Variants in RBFOX1 observed in about 807,000 individuals in gnomAD.
The protein encoded by RBFOX1 is RNA binding protein fox-1 homolog 1.
In RBFOX1, 8 loss-of-function variants were observed where a neutral mutation model predicts 57.7. The observed-to-expected ratio is 0.14, with a 90% confidence interval of 0.08 to 0.25. RBFOX1 has a LOEUF of 0.25. RBFOX1 is among the 10% of genes least tolerant of loss of function. The pLI is 1.00. For synonymous variants in RBFOX1, 326 were observed against 222.4 expected (o/e 1.47, Z -4.15); for missense variants, 611 against 548.5 (o/e 1.11, Z -1.14).
chr16:6,879,950 C>G (rs149463296), intron 3 of RBFOX1, among the ~76,000 whole-genome samples: 407 of 152,230 alleles, frequency 2.7e-3, no homozygotes, highest in African/African-American at 9.1e-3. Context: ...TTTCTTCTAT[C>G]TGTTCAGTGG....
At position 7,567,572 on chromosome 16, in the gene RBFOX1, T is replaced by G. The variant is rs1333342246; in HGVS notation, c.271-12205T>G. 4.0e-5 allele frequency among the ~76,000 whole-genome samples: 4 copies of G among 100,160 alleles called. 1 individual carries two copies. The highest frequency in any genetic ancestry group is 1.1e-4 in the Admixed American group (1 of 8,892). The allele number at this position is 100,160 out of a possible 152,430, so 65.7% of individuals were successfully genotyped here. On this transcript the variant is annotated intron_variant, in intron 5 of 15. Transcript: ENST00000550418. Reference sequence around the variant, plus strand: ...ATATCCCTATATATGGCCCTATATATATATATCCCTATATATGGCCCTATA... The same window carrying G: ...ATATCCCTATATATGGCCCTATATAGATATATCCCTATATATGGCCCTATA...
intron 3 of RBFOX1, among the ~76,000 whole-genome samples, chr16:6,849,227 G>A (rs2141887108): frequency 6.6e-6 from 1 of 152,320 alleles, no homozygotes; most frequent in East Asian, 1.9e-4. Context: ...GTTGACAGTA[G>A]TGAGCTTTTA....
At chr16:7,525,911 C>T (rs924971659) in intron 5 of RBFOX1, among the ~76,000 whole-genome samples, 5 of 152,168 alleles carry the variant, frequency 3.3e-5, no homozygotes, top group South Asian at 2.1e-4. Flanking sequence ...AAAGTCCAGG[C>T]TGTTTCCCCA....
At chr16:7,455,710 T>C (rs1386614116) in intron 4 of RBFOX1, among the ~76,000 whole-genome samples, 2 of 142,284 alleles carry the variant, frequency 1.4e-5, no homozygotes, top group Non-Finnish European at 3.0e-5. Flanking sequence ...TTGCTTGACC[T>C]CAGGAGGTAG....
intron 2 of RBFOX1, among the ~76,000 whole-genome samples, chr16:5,585,796 G>T (rs116780654): frequency 0.011 from 1,722 of 152,320 alleles, 37 homozygotes; most frequent in African/African-American, 0.039. Context: ...CAGATCCTTG[G>T]TCTTCACTGC....
At chr16:6,583,270 CAT>C (rs774652676) in intron 2 of RBFOX1, among the ~76,000 whole-genome samples, 73 of 152,296 alleles carry the variant, frequency 4.8e-4, no homozygotes, top group Non-Finnish European at 7.8e-4. Flanking sequence ...GCTTGGAACA[CAT>C]GTGCAACTTC....
intron 3 of RBFOX1, among the ~76,000 whole-genome samples, chr16:5,684,993 C>T (rs1022303187): frequency 2.0e-5 from 3 of 152,118 alleles, no homozygotes; most frequent in African/African-American, 7.2e-5. Flanking sequence ...GGCATCCAGC[C>T]TGATGGTTGG....
chr16:6,507,750 T>C (rs55661649), intron 2 of RBFOX1, among the ~76,000 whole-genome samples: 46,868 of 151,834 alleles, frequency 0.31, 8,004 homozygotes, highest in Non-Finnish European at 0.39. Context: ...ATTCCACTTA[T>C]ATAAAGTATC....
chr16:7,131,999 T>G (rs1456716726), intron 4 of RBFOX1, among the ~76,000 whole-genome samples: 1 of 5,594 alleles, frequency 1.8e-4, no homozygotes, highest in Non-Finnish European at 5.1e-4. Context: ...TTTTTCTTTC[T>G]TTTTTTTTTT....
intron 1 of RBFOX1, among the ~76,000 whole-genome samples, chr16:6,069,386 G>A (rs1167274162): frequency 8.6e-6 from 1 of 115,830 alleles, no homozygotes; most frequent in Non-Finnish European, 1.7e-5. Flanking sequence ...CAACAAGAGC[G>A]AAACTCTGCC....
chr16:6,673,226 C>T (rs569347337), intron 3 of RBFOX1, among the ~76,000 whole-genome samples: 1 of 152,232 alleles, frequency 6.6e-6, no homozygotes, highest in South Asian at 2.1e-4. Context: ...TCTGTGTCTT[C>T]TCTATCCACT....
At chr16:7,317,390 C>G (rs934581888) in intron 4 of RBFOX1, among the ~76,000 whole-genome samples, 2 of 152,068 alleles carry the variant, frequency 1.3e-5, no homozygotes, top group African/African-American at 4.8e-5. Flanking sequence ...GGCCAAAGCT[C>G]CCAGAGCTCA....
chr16:6,654,169 G>A (rs1022174650), intron 2 of RBFOX1, among the ~76,000 whole-genome samples: 2 of 152,142 alleles, frequency 1.3e-5, no homozygotes, highest in Non-Finnish European at 2.9e-5. Context: ...TGGATGGATG[G>A]TTGGATGGTT....
chr16:5,674,155 C>G (rs948735773), intron 3 of RBFOX1, among the ~76,000 whole-genome samples: 2 of 152,114 alleles, frequency 1.3e-5, no homozygotes, highest in Admixed American at 6.5e-5. Flanking sequence ...TTCTTAGGGT[C>G]TAGAAGTGGG....
chr16:6,635,191 C>T (rs999054947), intron 2 of RBFOX1, among the ~76,000 whole-genome samples: 4 of 147,588 alleles, frequency 2.7e-5, no homozygotes, highest in African/African-American at 9.9e-5. Flanking sequence ...ATATATATTA[C>T]ATAATATGTA....
intron 3 of RBFOX1, chr16:6,705,304 G>A (rs917923159): frequency 1.3e-5 from 2 of 150,250 alleles, no homozygotes; most frequent in African/African-American, 5.0e-5. Flanking sequence ...TGAGTGGGAG[G>A]TTACAAGGGA....
intron 3 of RBFOX1, among the ~76,000 whole-genome samples, chr16:6,988,991 G>T (rs1368222254): frequency 1.3e-5 from 2 of 151,944 alleles, no homozygotes; most frequent in African/African-American, 4.8e-5. Flanking sequence ...TTGAACTCCT[G>T]GCCTGAGGTG....
intron 1 of RBFOX1, among the ~76,000 whole-genome samples, chr16:5,365,042 G>A (rs59173588): frequency 0.054 from 8,141 of 152,148 alleles, 609 homozygotes; most frequent in African/African-American, 0.18. Flanking sequence ...AGACTTATTT[G>A]AGGTGATTCC....
At chr16:6,220,101 T>G (rs1437859272) in intron 1 of RBFOX1, among the ~76,000 whole-genome samples, 2 of 152,126 alleles carry the variant, frequency 1.3e-5, no homozygotes, top group Admixed American at 6.6e-5. Context: ...TATGTACATA[T>G]ATAAGGGTAT....
Sources: gnomAD v4.1 joint callset for allele counts (sites outside exome capture counted in the v4.1 genomes callset) on GRCh38, gnomAD v4.1.1 for gene constraint, MANE v1.5 for transcripts, NCBI Gene and HGNC (gene_info 2026-07-23, HGNC 2026-07-21) for gene names.